The following ZNF208 variants were observed in gnomAD, a reference collection of about 807,000 sequenced individuals.
The protein encoded by ZNF208 is zinc finger protein 208.
In ZNF208, 10 loss-of-function variants were observed where a neutral mutation model predicts 12.1. The ratio of observed to expected loss-of-function variants is 0.83; its 90% CI spans 0.51 to 1.40. ZNF208 has a LOEUF of 1.40. ZNF208 is among the 40% of genes most tolerant of loss of function. The probability of loss-of-function intolerance (pLI) is 0.00; values close to 1 mark genes in which losing one functional copy is unlikely to be tolerated. For synonymous variants in ZNF208, 497 were observed against 488.4 expected (o/e 1.02, Z -0.23); for missense variants, 1,652 against 1,485.0 (o/e 1.11, Z -1.85).
At chr19:21,943,567 G>C (rs1474410440) in intron 4 of ZNF208, among the ~76,000 whole-genome samples, 1 of 152,124 alleles carries the variant, frequency 6.6e-6, no homozygotes, top group Non-Finnish European at 1.5e-5. Context: ...GGAGGATCCT[G>C]ATCCTCAACT....
At chr19:21,961,274 G>A (rs532382440), downstream of ZNF208, among the ~76,000 whole-genome samples, 1 of 152,252 alleles carries the variant, frequency 6.6e-6, no homozygotes, top group African/African-American at 2.4e-5. Context: ...CACAAATCCA[G>A]CAAGTTTTTA....
intron 1 of ZNF208, among the ~76,000 whole-genome samples, chr19:21,989,886 G>C (rs1466487039): frequency 6.6e-6 from 1 of 152,166 alleles, no homozygotes; most frequent in African/African-American, 2.4e-5. Context: ...ATCTTCTTTG[G>C]AGAAGTGTCT....
chr19:22,010,911 A>T lies in ZNF208; in HGVS notation c.-117T>A, dbSNP rs530049506. On this transcript the variant is annotated 5_prime_UTR_variant, in exon 1 of 4. Transcript: ENST00000397126. ...GAGGACACACAGCAGTAAGGACGAG[A>T]CCTTGACCTCCGGCTGCAGCGAGAG... The T allele has an allele frequency of 6.1e-5, 90 of 1,464,920 alleles. 1 individual carries two copies. Among genetic ancestry groups the T allele is most frequent in the Middle Eastern group, 5.3e-4 (3 of 5,696 alleles). 90.7% of individuals were successfully genotyped at this position (1,464,920 alleles called of 1,614,324 possible). A position where few individuals can be genotyped will look rare whatever the true frequency, so the allele number is the denominator to read the frequency against.
rs1288290635 is a variant in ZNF208, at chr19:21,968,180, T to A, written c.*3011A>T. On this transcript the variant is annotated 3_prime_UTR_variant, in exon 4 of 4. Transcript: ENST00000397126. ...TCTAGGTGGACAATTCTTTCATCAGTAAAGATAATTTGACTTTCTTTGTTT... is the reference window on the plus strand; with the variant it reads ...TCTAGGTGGACAATTCTTTCATCAGAAAAGATAATTTGACTTTCTTTGTTT... 1 of 152,192 alleles carries A rather than the reference T, an allele frequency of 6.6e-6. No homozygotes were observed. The highest frequency in any genetic ancestry group is 1.9e-4 in the East Asian group (1 of 5,188). 9.4% of individuals were successfully genotyped at this position (152,192 alleles called of 1,614,324 possible). A position where few individuals can be genotyped will look rare whatever the true frequency, so the allele number is the denominator to read the frequency against.
chr19:21,992,736 G>A (rs1440985641), intron 1 of ZNF208, among the ~76,000 whole-genome samples: 3 of 152,196 alleles, frequency 2.0e-5, no homozygotes, highest in Non-Finnish European at 4.4e-5. Context: ...CCGTAATATA[G>A]AGAAGGCTCT....
intron 4 of ZNF208, among the ~76,000 whole-genome samples, chr19:21,959,528 G>C (rs1970030240): frequency 1.3e-5 from 2 of 152,192 alleles, no homozygotes; most frequent in African/African-American, 4.8e-5. Context: ...TGAATAGACT[G>C]ACACTGGAGA....
chr19:21,974,836 C>T (rs774871352), intron 3 of ZNF208, 29 bp from the exon 4 acceptor site: 4 of 1,499,128 alleles, frequency 2.7e-6, no homozygotes, highest in Non-Finnish European at 3.5e-6. Context: ...CACAAATTAG[C>T]CTACTTATTA....
rs1037024573 is a variant in ZNF208, at chr19:21,971,749, G to A, written c.3285C>T (p.Asn1095=). The A allele has an allele frequency of 2.5e-6, 4 of 1,611,594 alleles. No homozygotes were observed. The African/African-American group carries it at 4.0e-5, about 16-fold the overall frequency. The part of the protein sequence containing the change: ...YKCEECGKAF[N]WSSNLMEHKR... The stretch of plus-strand genomic sequence containing the variant: ...TATGTTCCATAAGGTTTGAGGACCA[G>A]TTGAAAGCTTTGCCACATTCTTCAC... The change falls in exon 4 of 4, where the codon AAC becomes AAT. Residue 1095 remains asparagine (N), a synonymous_variant. Coordinates refer to ENST00000397126, the MANE Select transcript of ZNF208 (RefSeq NM_007153.3).
intron 1 of ZNF208, among the ~76,000 whole-genome samples, chr19:22,000,507 C>T (rs919054276): frequency 1.3e-5 from 2 of 152,042 alleles, no homozygotes; most frequent in Admixed American, 6.6e-5. Context: ...TGTTTTGAAA[C>T]AAATAAGAAC....
At position 21,968,231 on chromosome 19, in the gene ZNF208, G is replaced by A. The variant is rs1252808917; in HGVS notation, c.*2960C>T. ...TCTGTTTGGATTCCTTTTATTCTCT[G>A]GCTAGGATTTCATAACTTCAATAGG... On this transcript the variant is annotated 3_prime_UTR_variant, in exon 4 of 4. Coordinates refer to ENST00000397126, the MANE Select transcript of ZNF208 (RefSeq NM_007153.3). The A allele has an allele frequency of 4.0e-5, 6 of 151,850 alleles. No homozygotes were observed. The highest frequency in any genetic ancestry group is 3.9e-4 in the Admixed American group (6 of 15,236). The allele number at this position is 151,850 out of a possible 1,614,324, so 9.4% of individuals were successfully genotyped here. A position where few individuals can be genotyped will look rare whatever the true frequency, so the allele number is the denominator to read the frequency against.
chr19:21,959,072 A>T (rs567751967), intron 4 of ZNF208, among the ~76,000 whole-genome samples: 1 of 152,150 alleles, frequency 6.6e-6, no homozygotes, highest in East Asian at 1.9e-4. Context: ...ACAGAGACTC[A>T]GTCTCATGAT....
chr19:22,004,677 C>CA lies in ZNF208; in HGVS notation c.3+6114dup, dbSNP rs535188046. 6.3e-4 allele frequency among the ~76,000 whole-genome samples: 96 copies of CA among 152,114 alleles called. 1 individual carries two copies. Among genetic ancestry groups the CA allele is most frequent in the Middle Eastern group, 6.8e-3 (2 of 294 alleles). On this transcript the variant is annotated intron_variant, in intron 1 of 3. Transcript: ENST00000397126. ...GAAAACTGATGCGGAAACAGAAAAC[C>CA]AAATGCATGTTATTATTTATAAGTA...
rs775607533 is a variant in ZNF208 at position 21,971,856 on chromosome 19, C to A, written c.3178G>T (p.Glu1060Ter). 1 of 1,613,510 alleles carries A rather than the reference C, an allele frequency of 6.2e-7. No homozygotes were observed. The highest frequency in any genetic ancestry group is 8.5e-7 in the Non-Finnish European group (1 of 1,179,716). Residue 1060 changes from glutamate (E) to a stop codon, truncating the protein, a stop_gained, in exon 4 of 4, where the codon GAA becomes TAA. Transcript: ENST00000397126. LOFTEE classifies it low-confidence loss of function (END_TRUNC). ...CAGCTGAAGGCTTTGCCACATTCTT[C>A]ACATTTGTAGGGTTTTTCTCCAGCA... The part of the protein sequence containing the change: ...THAGEKPYKC[E>*]ECGKAFSWPS...
At chr19:21,996,334 G>A (rs982195726) in intron 1 of ZNF208, among the ~76,000 whole-genome samples, 2 of 152,148 alleles carry the variant, frequency 1.3e-5, no homozygotes, top group Non-Finnish European at 2.9e-5. Flanking sequence ...TTTATGTAAA[G>A]AAATAACTTT....
At position 22,007,242 on chromosome 19, in the gene ZNF208, G is replaced by A. The variant is rs188260390; in HGVS notation, c.3+3550C>T. On this transcript the variant is annotated intron_variant, in intron 1 of 3. Coordinates refer to ENST00000397126, the MANE Select transcript of ZNF208 (RefSeq NM_007153.3). ...GCCATAAAAAACACACCTGAGGGCC[G>A]GGCACGGTGGCTCATGCCTGTAATC... 1.1e-4 allele frequency among the ~76,000 whole-genome samples: 16 copies of A among 152,160 alleles called. No homozygotes were observed. In the East Asian group the frequency reaches 2.5e-3, roughly 24 times the overall value.
At chr19:21,993,307 T>C (rs749906131) in intron 1 of ZNF208, among the ~76,000 whole-genome samples, 4 of 152,194 alleles carry the variant, frequency 2.6e-5, no homozygotes, top group Non-Finnish European at 5.9e-5. Context: ...TGGACCACCC[T>C]TTAATGCAAA....
chr19:21,993,780 T>C (rs1382475521), intron 1 of ZNF208, among the ~76,000 whole-genome samples: 1 of 152,074 alleles, frequency 6.6e-6, no homozygotes, highest in African/African-American at 2.4e-5. Context: ...ATGAAGACAA[T>C]CATTCTTCAT....
Position 22,010,688 on chromosome 19 carries a change from T to C in ZNF208, c.3+104A>G, listed in dbSNP as rs1202604860. The C allele has an allele frequency of 1.9e-6, 3 of 1,563,980 alleles. No individual in the cohort carries two copies. The African/African-American group carries it at 4.1e-5, about 21-fold the overall frequency. The stretch of plus-strand genomic sequence containing the variant: ...GCTAGGCAAGAACTCGGGGCACAGA[T>C]GTGGAGCTGACTGCGGGGAGGCCTG... On this transcript the variant is annotated intron_variant, in intron 1 of 3. Coordinates refer to ENST00000397126, the MANE Select transcript of ZNF208 (RefSeq NM_007153.3).
intron 1 of ZNF208, among the ~76,000 whole-genome samples, chr19:21,993,142 A>G (rs1407019821): frequency 6.6e-6 from 1 of 152,304 alleles, no homozygotes; most frequent in South Asian, 2.1e-4. Context: ...CGAAGAGATT[A>G]ACAAAGAGTA....
Sources: gnomAD v4.1 joint callset for allele counts (sites outside exome capture counted in the v4.1 genomes callset) on GRCh38, gnomAD v4.1.1 for gene constraint, MANE v1.5 for transcripts, NCBI Gene and HGNC (gene_info 2026-07-23, HGNC 2026-07-21) for gene names.